Variants in BBS9 observed in about 807,000 individuals in gnomAD.
BBS9 encodes the protein protein PTHB1.
BBS9 carries 89 observed loss-of-function variants against 117.7 expected under a neutral mutation model. That is an observed-to-expected ratio of 0.76 (90% confidence interval 0.64 to 0.90). The LOEUF is 0.90. Ranked by LOEUF, BBS9 falls within the 40% of genes least tolerant of loss-of-function variation. The pLI is 0.00. For missense variants in BBS9, 982 were observed against 1,042.2 expected, an observed-to-expected ratio of 0.94 and a Z score of 0.80; for synonymous variants, 379 against 370.9, an observed-to-expected ratio of 1.02 and a Z score of -0.25.
chr7:33,398,791 T>C (rs1230020392), intron 19 of BBS9, among the ~76,000 whole-genome samples: 1 of 152,132 alleles, frequency 6.6e-6, no homozygotes, highest in Non-Finnish European at 1.5e-5. Context: ...CAGGCTAGAG[T>C]ACGGTGGCAT....
At chr7:33,276,763 T>G (rs1010343253) in intron 9 of BBS9, 2 of 152,562 alleles carry the variant, frequency 1.3e-5, no homozygotes, top group East Asian at 3.9e-4. Context: ...GCCCTGCTTT[T>G]GTCCTGATCA....
chr7:33,448,578 C>T (rs1837319817), intron 19 of BBS9, among the ~76,000 whole-genome samples: 1 of 152,188 alleles, frequency 6.6e-6, no homozygotes, highest in Non-Finnish European at 1.5e-5. Context: ...GCTTGTGAAG[C>T]AATTGGCCCA....
At chr7:33,526,148 G>A (rs1445699537) in intron 20 of BBS9, among the ~76,000 whole-genome samples, 1 of 151,660 alleles carries the variant, frequency 6.6e-6, no homozygotes, top group Non-Finnish European at 1.5e-5. Flanking sequence ...CCCTTTGAGG[G>A]TAACCCGACC....
At chr7:33,494,419 A>G (rs576074908) in intron 19 of BBS9, among the ~76,000 whole-genome samples, 1 of 152,346 alleles carries the variant, frequency 6.6e-6, no homozygotes, top group Non-Finnish European at 1.5e-5. Context: ...TACAGACTTC[A>G]TAACACTTGC....
At chr7:33,321,610 T>C (rs1284165585) in intron 9 of BBS9, among the ~76,000 whole-genome samples, 1 of 151,888 alleles carries the variant, frequency 6.6e-6, no homozygotes, top group East Asian at 1.9e-4. Context: ...TGTTTTTTAG[T>C]TTTTTTGGTG....
chr7:33,496,539 G>A (rs557916881), intron 19 of BBS9, among the ~76,000 whole-genome samples: 4 of 152,018 alleles, frequency 2.6e-5, no homozygotes, highest in African/African-American at 9.7e-5. Flanking sequence ...CCTGGTTTTG[G>A]TTTACAAATT....
intron 15 of BBS9, among the ~76,000 whole-genome samples, chr7:33,354,320 G>A (rs117726415): frequency 9.2e-5 from 14 of 152,180 alleles, no homozygotes; most frequent in East Asian, 7.7e-4. Context: ...TGATCTGTTC[G>A]GGCTGCAATG....
At chr7:33,543,661 CTGATGACAA>C (rs1852781022) in intron 21 of BBS9, among the ~76,000 whole-genome samples, 1 of 152,258 alleles carries the variant, frequency 6.6e-6, no homozygotes, top group African/African-American at 2.4e-5. Flanking sequence ...TTTGTATAAC[CTGATGACAA>C]TGTGCCTAGG....
chr7:33,615,855 C>G (rs1156765397), intron 21 of BBS9, among the ~76,000 whole-genome samples: 1 of 151,930 alleles, frequency 6.6e-6, no homozygotes, highest in Non-Finnish European at 1.5e-5. Flanking sequence ...AGAAAATAAT[C>G]CTATCCACTT....
At chr7:33,463,494 C>CA (rs1452146664) in intron 19 of BBS9, among the ~76,000 whole-genome samples, 3 of 151,920 alleles carry the variant, frequency 2.0e-5, no homozygotes, top group African/African-American at 7.3e-5. Context: ...TGATCCCTTC[C>CA]AGTCTTAAAA....
chr7:33,591,819 G>A (rs1388283501), intron 21 of BBS9, among the ~76,000 whole-genome samples: 1 of 151,990 alleles, frequency 6.6e-6, no homozygotes, highest in African/African-American at 2.4e-5. Context: ...AGCACTGCTG[G>A]TAAATAGAAA....
chr7:33,509,913 G>C (rs1037594764), intron 20 of BBS9, among the ~76,000 whole-genome samples: 10 of 152,182 alleles, frequency 6.6e-5, no homozygotes, highest in African/African-American at 2.4e-4. Context: ...TCTGTGATCT[G>C]TCTCTTTAAT....
chr7:33,444,899 C>T (rs575645445), intron 19 of BBS9, among the ~76,000 whole-genome samples: 2 of 152,232 alleles, frequency 1.3e-5, no homozygotes, highest in Admixed American at 6.5e-5. Flanking sequence ...GAAAATTTTG[C>T]GAAAGCTCTT....
At chr7:33,206,332 A>G (rs1169442707) in intron 5 of BBS9, among the ~76,000 whole-genome samples, 1 of 152,214 alleles carries the variant, frequency 6.6e-6, no homozygotes, top group African/African-American at 2.4e-5. Context: ...AAGCCATTGT[A>G]TTTTGGGATA....
At chr7:33,409,351 A>G (rs1213323276) in intron 19 of BBS9, among the ~76,000 whole-genome samples, 1 of 152,144 alleles carries the variant, frequency 6.6e-6, no homozygotes, top group South Asian at 2.1e-4. Context: ...ATAGGTAGGG[A>G]TCCAGTTTCA....
At chr7:33,332,326 A>G (rs1401847326) in intron 9 of BBS9, among the ~76,000 whole-genome samples, 2 of 152,214 alleles carry the variant, frequency 1.3e-5, no homozygotes, top group Admixed American at 6.5e-5. Flanking sequence ...ACTTAAATCT[A>G]AAACCTGAAG....
chr7:33,495,254 T>C (rs1005328365), intron 19 of BBS9, among the ~76,000 whole-genome samples: 3 of 152,230 alleles, frequency 2.0e-5, no homozygotes, highest in African/African-American at 7.2e-5. Context: ...GAGCATGCCC[T>C]ACCTGATCAC....
chr7:33,609,799 C>A (rs988698929), downstream of BBS9, among the ~76,000 whole-genome samples: 2 of 152,106 alleles, frequency 1.3e-5, no homozygotes, highest in East Asian at 1.9e-4. Context: ...TAAGTGAGAG[C>A]AGTGGGTGGT....
intron 5 of BBS9, among the ~76,000 whole-genome samples, chr7:33,233,089 T>G (rs921234906): frequency 6.6e-6 from 1 of 152,166 alleles, no homozygotes; most frequent in Non-Finnish European, 1.5e-5. Flanking sequence ...TGCTATCTAT[T>G]GAAGAAATAG....
Sources: gnomAD v4.1 joint callset for allele counts (sites outside exome capture counted in the v4.1 genomes callset) on GRCh38, gnomAD v4.1.1 for gene constraint, MANE v1.5 for transcripts, NCBI Gene and HGNC (gene_info 2026-07-23, HGNC 2026-07-21) for gene names.